LIPA: variants seen among roughly 807,000 people sequenced by gnomAD.
LIPA encodes the protein lipase A, lysosomal acid type.
In LIPA, 26 loss-of-function variants were observed where a neutral mutation model predicts 40.6. The observed-to-expected ratio is 0.64, with a 90% confidence interval of 0.47 to 0.89. LIPA has a LOEUF of 0.89. LIPA is among the 40% of genes least tolerant of loss of function. The pLI, the probability that LIPA is intolerant of heterozygous loss-of-function variation, is 0.00. For missense variants in LIPA, 455 were observed against 479.6 expected, an observed-to-expected ratio of 0.95 and a Z score of 0.48; for synonymous variants, 188 against 168.4, an observed-to-expected ratio of 1.12 and a Z score of -0.90.
chr10:89,224,262 A>C (rs976086261), intron 6 of LIPA, among the ~76,000 whole-genome samples: 6 of 152,236 alleles, frequency 3.9e-5, no homozygotes, highest in African/African-American at 7.2e-5. Context: ...CAGCAGGCCA[A>C]ATCCAGCCCA....
intron 4 of LIPA, 57 bp from the exon 5 acceptor site, chr10:89,227,061 C>T: frequency 9.5e-7 from 1 of 1,051,830 alleles, no homozygotes; most frequent in African/African-American, 1.6e-5. Context: ...AGAGCACACA[C>T]ATACTGAGTA....
upstream of LIPA, among the ~76,000 whole-genome samples, chr10:89,253,150 G>T (rs1419484692): frequency 2.0e-5 from 3 of 152,192 alleles, no homozygotes; most frequent in African/African-American, 7.2e-5. Context: ...ATTTTCAATA[G>T]AAGGGCAGCA....
intron 1 of LIPA, among the ~76,000 whole-genome samples, chr10:89,258,888 CACTGAT>C (rs1340846030): frequency 1.3e-5 from 2 of 152,144 alleles, no homozygotes; most frequent in African/African-American, 2.4e-5. Flanking sequence ...AAAAATGAAG[CACTGAT>C]ACTAACTACA....
intron 1 of LIPA, among the ~76,000 whole-genome samples, chr10:89,265,215 G>T (rs949863531): frequency 7.2e-6 from 1 of 138,416 alleles, no homozygotes. Context: ...GGTGCAGGGG[G>T]TTGGGGAGTG....
chr10:89,319,641 G>A (rs1009440401), intron 1 of LIPA, among the ~76,000 whole-genome samples: 6 of 152,162 alleles, frequency 3.9e-5, no homozygotes, highest in African/African-American at 9.7e-5. Flanking sequence ...GTACAAAGAC[G>A]AGCTGGTACC....
At chr10:89,285,686 C>T (rs1182989300) in intron 1 of LIPA, among the ~76,000 whole-genome samples, 1 of 151,838 alleles carries the variant, frequency 6.6e-6, no homozygotes, top group African/African-American at 2.4e-5. Flanking sequence ...TCTTTTCTCT[C>T]CACTTTCCTG....
Position 89,282,885 on chromosome 10 carries a change from T to C in LIPA, c.-1-35236A>G, listed in dbSNP as rs187359265. Among the ~76,000 whole-genome samples the C allele has an allele frequency of 5.0e-4, 76 of 152,336 alleles. 1 individual carries two copies. Among genetic ancestry groups the C allele is most frequent in the African/African-American group, 1.8e-3 (75 of 41,580 alleles). On this transcript the variant is annotated intron_variant, in intron 1 of 5. Transcript: ENST00000282673. ...CACTGAACAAGGGAAGTTCTAGAAT[T>C]GGGCAGACCTGGACTTCTGTCCTTG... is the stretch of plus-strand genomic sequence containing the variant.
chr10:89,338,850 T>C (rs533567050), intron 1 of LIPA: 34 of 1,614,008 alleles, frequency 2.1e-5, no homozygotes, highest in Admixed American at 6.7e-5. Context: ...ACCTAGATGG[T>C]AACAACGAGG....
chr10:89,354,510 A>T (rs1368490143), intron 2 of LIPA, among the ~76,000 whole-genome samples: 5 of 152,198 alleles, frequency 3.3e-5, no homozygotes, highest in African/African-American at 1.2e-4. Flanking sequence ...GCCATGTAGG[A>T]GATGGAGTTC....
intron 2 of LIPA, among the ~76,000 whole-genome samples, chr10:89,395,150 G>T (rs573719554): frequency 6.6e-6 from 1 of 152,106 alleles, no homozygotes; most frequent in South Asian, 2.1e-4. Flanking sequence ...GCATAGCAGG[G>T]TATGACCTAT....
intron 3 of LIPA, among the ~76,000 whole-genome samples, chr10:89,232,609 G>A (rs1014250765): frequency 3.9e-5 from 6 of 152,144 alleles, no homozygotes; most frequent in Non-Finnish European, 7.4e-5. Context: ...AGGGCCCTGG[G>A]GCAAGGATAA....
intron 1 of LIPA, chr10:89,306,631 A>T (rs1318803918): frequency 1.2e-6 from 2 of 1,614,132 alleles, no homozygotes; most frequent in Non-Finnish European, 1.7e-6. Context: ...TGCGTGAAGA[A>T]GGTGAAGAGG....
At chr10:89,299,240 G>A (rs192007656) in intron 1 of LIPA, among the ~76,000 whole-genome samples, 23 of 151,384 alleles carry the variant, frequency 1.5e-4, no homozygotes, top group Middle Eastern at 3.4e-3. Flanking sequence ...ACTAGACCAA[G>A]CAGAAGAGAA....
intron 2 of LIPA, among the ~76,000 whole-genome samples, chr10:89,388,440 T>A (rs305393): frequency 2.6e-5 from 4 of 152,206 alleles, no homozygotes; most frequent in Admixed American, 6.5e-5. Context: ...AGCACCATTC[T>A]GGAGGTGTTT....
At chr10:89,384,349 C>T in intron 2 of LIPA, 1 of 1,614,116 alleles carries the variant, frequency 6.2e-7, no homozygotes, top group Middle Eastern at 1.6e-4. Context: ...CTATGTTGAC[C>T]TGGCTGAAAC....
At chr10:89,384,286 G>C in intron 2 of LIPA, 1 of 1,614,152 alleles carries the variant, frequency 6.2e-7, no homozygotes, top group Admixed American at 1.7e-5. Flanking sequence ...GGTTCAATTG[G>C]CTATATGCAA....
At chr10:89,264,703 A>C (rs61853119) in intron 1 of LIPA, among the ~76,000 whole-genome samples, 5,973 of 152,250 alleles carry the variant, frequency 0.039, 178 homozygotes, top group Middle Eastern at 0.11. Context: ...TAAGGGAGGA[A>C]GTGTATGCTG....
intron 1 of LIPA, chr10:89,328,086 A>T (rs1386237972): frequency 6.2e-7 from 1 of 1,613,802 alleles, no homozygotes; most frequent in Non-Finnish European, 8.5e-7. Flanking sequence ...GAGGTCAGTG[A>T]AATAAGAATG....
chr10:89,296,799 T>G (rs1843417924), intron 1 of LIPA, among the ~76,000 whole-genome samples: 2 of 152,232 alleles, frequency 1.3e-5, no homozygotes, highest in African/African-American at 4.8e-5. Flanking sequence ...TACTATTATT[T>G]TCTTTTGGGC....
Sources: allele counts gnomAD v4.1 joint callset (sites outside exome capture counted in the v4.1 genomes callset), GRCh38; gene constraint gnomAD v4.1.1; transcripts MANE v1.5; gene names NCBI Gene and HGNC (gene_info 2026-07-23, HGNC 2026-07-21).